Variants in CNPY2 observed in about 807,000 individuals in gnomAD.
CNPY2 encodes protein canopy homolog 2.
In CNPY2, 19 loss-of-function variants were observed where a neutral mutation model predicts 25.5. The observed-to-expected ratio is 0.74, with a 90% CI of 0.52 to 1.09. The LOEUF is 1.09. CNPY2 is among the 50% of genes least tolerant of loss of function. CNPY2 has a pLI of 0.00. For synonymous variants in CNPY2, 82 were observed against 85.0 expected, an observed-to-expected ratio of 0.96 and a Z score of 0.19; for missense variants, 214 against 233.6, an observed-to-expected ratio of 0.92 and a Z score of 0.55.
chr12:56,315,187 G>A lies in CNPY2; in HGVS notation c.31C>T (p.Leu11=). 1 of 1,614,142 alleles carries A rather than the reference G, an allele frequency of 6.2e-7. No homozygotes were observed. The highest frequency in any genetic ancestry group is 1.1e-5 in the South Asian group (1 of 91,086). The change falls in exon 2 of 6, where the codon CTG becomes TTG. Residue 11 remains leucine, a synonymous_variant. Transcript: ENST00000273308. ...CAGGCGGTTCCCAGCAGGGCCCCCAGAAGCAGGGCCAGCCAACCCCAGCCT... is the reference window on the plus strand; with the variant it reads ...CAGGCGGTTCCCAGCAGGGCCCCCAAAAGCAGGGCCAGCCAACCCCAGCCT... MKGWGWLALL[L]GALLGTAWAR...
chr12:56,310,743 C>A, intron 5 of CNPY2, 148 bp from the exon 6 acceptor site: 1 of 902,942 alleles, frequency 1.1e-6, no homozygotes. Context: ...AACATCCCCA[C>A]TGTCCTCTCA....
intron 3 of CNPY2, 187 bp downstream of exon 3, chr12:56,314,656 CAAAGTATT>C (rs1418944038): frequency 1.4e-6 from 2 of 1,432,858 alleles, no homozygotes; most frequent in Non-Finnish European, 1.8e-6. Flanking sequence ...ACAGCAGAAA[CAAAGTATT>C]AAGGTTTGCA....
chr12:56,311,651 A>G, intron 3 of CNPY2: 1 of 483,522 alleles, frequency 2.1e-6, no homozygotes, highest in South Asian at 1.9e-5. Flanking sequence ...TCCTGGGTTC[A>G]AGTGATTCTC....
At position 56,315,027 on chromosome 12, in the gene CNPY2, T is replaced by C. The variant is rs142943697; in HGVS notation, c.89-61A>G. Reference sequence around the variant, plus strand: ...GGTAGGGGGTAGGGTGTGAGGAGAATGGGATCAACCCAGGATTTCCATTCA... The same window carrying C: ...GGTAGGGGGTAGGGTGTGAGGAGAACGGGATCAACCCAGGATTTCCATTCA... On this transcript the variant is annotated intron_variant, in intron 2 of 5. Coordinates refer to ENST00000273308, the MANE Select transcript of CNPY2 (RefSeq NM_014255.7). The C allele has an allele frequency of 2.5e-5, 40 of 1,602,882 alleles. No homozygotes were observed. The Middle Eastern group carries it at 6.8e-4, about 27-fold the overall frequency.
Position 56,311,394 on chromosome 12 carries a change from C to A in CNPY2, c.225G>T (p.Glu75Asp). The A allele has an allele frequency of 6.2e-7, 1 of 1,614,158 alleles. No homozygotes were observed. The highest frequency in any genetic ancestry group is 8.5e-7 in the Non-Finnish European group (1 of 1,180,030). The change falls in exon 4 of 6, where the codon GAG (glutamate) becomes GAT (aspartate). Residue 75 changes from glutamate (E) to aspartate (D), a missense_variant. Transcript: ENST00000273308. Reference sequence around the variant, plus strand: ...CCTCCAGCAGCTCTGTGAGGTGGGCCTCTGAGCGGGCATAAGGCACCTAGA... The same window carrying A: ...CCTCCAGCAGCTCTGTGAGGTGGGCATCTGAGCGGGCATAAGGCACCTAGA... ...SVVEVPYARS[E>D]AHLTELLEEI...
At chr12:56,311,643 C>G in intron 3 of CNPY2, 1 of 509,606 alleles carries the variant, frequency 2.0e-6, no homozygotes, top group South Asian at 1.9e-5. Context: ...CCTCTGCCTC[C>G]TGGGTTCAAG....
In CNPY2 at chr12:56,310,343, C is replaced by G. The variant is rs1297787497; in HGVS notation, c.*209G>C. ...TGTATCAATCCCAAAACTCTTCTTT[C>G]TCCTCCATTATCTTTCCTGTCTATA... is the stretch of plus-strand genomic sequence containing the variant. On this transcript the variant is annotated 3_prime_UTR_variant, in exon 6 of 6. Coordinates refer to ENST00000273308, the MANE Select transcript of CNPY2 (RefSeq NM_014255.7). The G allele has an allele frequency of 3.3e-6, 2 of 608,646 alleles. No homozygotes were observed. Among genetic ancestry groups the G allele is most frequent in the Non-Finnish European group, 5.8e-6 (2 of 344,464 alleles). 37.7% of individuals were successfully genotyped at this position (608,646 alleles called of 1,614,324 possible). A position where few individuals can be genotyped will look rare whatever the true frequency, so the allele number is the denominator to read the frequency against.
chr12:56,315,957 C>T lies in CNPY2; in HGVS notation c.-162G>A, dbSNP rs1873923856. 6.6e-6 allele frequency: 1 copy of T among 152,456 alleles called. No homozygotes were observed. Among genetic ancestry groups the T allele is most frequent in the South Asian group, 2.1e-4 (1 of 4,844 alleles). The allele number at this position is 152,456 out of a possible 1,614,324, so 9.4% of individuals were successfully genotyped here. ...GGGATTCTCCAGAGCGCTTCGCCGC[C>T]TGCCACACACGGGGTGTCCCGGCGA... On this transcript the variant is annotated 5_prime_UTR_variant, in exon 1 of 6. Coordinates refer to ENST00000273308, the MANE Select transcript of CNPY2 (RefSeq NM_014255.7).
chr12:56,314,720 A>G, intron 3 of CNPY2, 131 bp downstream of exon 3: 1 of 1,532,058 alleles, frequency 6.5e-7, no homozygotes, highest in South Asian at 1.2e-5. Context: ...CTTCTTCCAA[A>G]TGAGACAGAG....
intron 2 of CNPY2, 36 bp from the exon 3 acceptor site, chr12:56,315,002 G>A: frequency 6.2e-7 from 1 of 1,610,128 alleles, no homozygotes; most frequent in Non-Finnish European, 8.5e-7. Flanking sequence ...CAGGGGACAG[G>A]GTAGGGGGTA....
At chr12:56,310,933 A>C in intron 5 of CNPY2, 25 bp downstream of exon 5, 2 of 1,597,972 alleles carry the variant, frequency 1.3e-6, no homozygotes, top group Non-Finnish European at 1.7e-6. Context: ...CTACTAGAAC[A>C]GGAGATAAAG....
chr12:56,314,656 C>A (rs1426788027), intron 3 of CNPY2, 195 bp downstream of exon 3: 21 of 1,432,740 alleles, frequency 1.5e-5, no homozygotes, highest in Non-Finnish European at 1.8e-5. Context: ...ACAGCAGAAA[C>A]AAAGTATTAA....
rs1399844593 is a variant in CNPY2, at chr12:56,314,983, G to C, written c.89-17C>G. 6.2e-7 allele frequency: 1 copy of C among 1,614,028 alleles called. No individual in the cohort carries two copies. ...CCCTGCATGCTGGTGGAAGAGGAGA[G>C]AATGAGAGCAGGGGACAGGGTAGGG... On this transcript the variant is annotated splice_polypyrimidine_tract_variant and intron_variant, in intron 2 of 5. Coordinates refer to ENST00000273308, the MANE Select transcript of CNPY2 (RefSeq NM_014255.7).
intron 5 of CNPY2, 103 bp from the exon 6 acceptor site, chr12:56,310,698 C>G (rs1484527383): frequency 1.8e-6 from 2 of 1,140,254 alleles, no homozygotes; most frequent in African/African-American, 1.5e-5. Flanking sequence ...ACACACCAAC[C>G]ACCATTCTGC....
chr12:56,311,321 T>C lies in CNPY2; in HGVS notation c.298A>G (p.Thr100Ala), dbSNP rs190375156. ...KEYGEQIDPS[T>A]HRKNYVRVVG... ...ACACGTACGTAGTTCTTGCGATGGGTGGAAGGATCAATCTGTTCCCCATAC... is the reference window on the plus strand; with the variant it reads ...ACACGTACGTAGTTCTTGCGATGGGCGGAAGGATCAATCTGTTCCCCATAC... The change falls in exon 4 of 6, where the codon ACC becomes GCC. Residue 100 changes from threonine (T) to alanine (A), a missense_variant. Transcript: ENST00000273308. 6 of 1,614,140 alleles carry C rather than the reference T, an allele frequency of 3.7e-6. No homozygotes were observed. In the Admixed American group the frequency reaches 5.0e-5, roughly 13 times the overall value.
chr12:56,311,405 C>A lies in CNPY2; in HGVS notation c.214G>T (p.Ala72Ser). 1 of 1,614,174 alleles carries A rather than the reference C, an allele frequency of 6.2e-7. No homozygotes were observed. Among genetic ancestry groups the A allele is most frequent in the Non-Finnish European group, 8.5e-7 (1 of 1,180,034 alleles). The change falls in exon 4 of 6, where the codon GCC becomes TCC. Residue 72 changes from alanine to serine, a missense_variant. Coordinates refer to ENST00000273308, the MANE Select transcript of CNPY2 (RefSeq NM_014255.7). ...GSQSVVEVPY[A>S]RSEAHLTELL... ...TCTGTGAGGTGGGCCTCTGAGCGGG[C>A]ATAAGGCACCTAGAAATGTCCTCAG... is the stretch of plus-strand genomic sequence containing the variant.
Position 56,310,383 on chromosome 12 carries a change from C to A in CNPY2, c.*169G>T, listed in dbSNP as rs903264510. The A allele has an allele frequency of 7.5e-6, 5 of 663,340 alleles. No homozygotes were observed. The highest frequency in any genetic ancestry group is 5.4e-5 in the African/African-American group (3 of 55,226). 41.1% of individuals were successfully genotyped at this position (663,340 alleles called of 1,614,324 possible). Reference sequence around the variant, plus strand: ...TCCTGTCTATATAACTCCTTATCTTCAAGCTTAATGTAAGGGCAATTCCAG... The same window carrying A: ...TCCTGTCTATATAACTCCTTATCTTAAAGCTTAATGTAAGGGCAATTCCAG... On this transcript the variant is annotated 3_prime_UTR_variant, in exon 6 of 6. Coordinates refer to ENST00000273308, the MANE Select transcript of CNPY2 (RefSeq NM_014255.7).
At chr12:56,311,159 C>T (rs755469954) in intron 4 of CNPY2, 52 bp downstream of exon 4, 1 of 1,607,340 alleles carries the variant, frequency 6.2e-7, no homozygotes, top group Non-Finnish European at 8.5e-7. Flanking sequence ...CTAATTGGTT[C>T]TCCAACAACC....
intron 3 of CNPY2, among the ~76,000 whole-genome samples, chr12:56,313,974 TCAC>T (rs1386226399): frequency 6.7e-6 from 1 of 149,560 alleles, no homozygotes. Context: ...CGATCTTGGC[TCAC>T]TGCAACCTCT....
Sources: allele counts gnomAD v4.1 joint callset (sites outside exome capture counted in the v4.1 genomes callset), GRCh38; gene constraint gnomAD v4.1.1; transcripts MANE v1.5; gene names NCBI Gene and HGNC (gene_info 2026-07-23, HGNC 2026-07-21).